The following MIGA1 variants were observed in gnomAD, a reference collection of about 807,000 sequenced individuals.
MIGA1 encodes the protein family with sequence similarity 73, member A.
MIGA1 carries 58 observed loss-of-function variants against 82.0 expected under a neutral mutation model. That is an observed-to-expected ratio of 0.71 (90% CI 0.57 to 0.88). The LOEUF is 0.88. Among genes scored for constraint, MIGA1 ranks in the 40% least tolerant of loss-of-function variants. The pLI is 0.00. For synonymous variants in MIGA1, 249 were observed against 253.6 expected, an observed-to-expected ratio of 0.98 and a Z score of 0.17; for missense variants, 751 against 749.1, an observed-to-expected ratio of 1.00 and a Z score of -0.03.
At chr1:77,863,813 T>C in intron 12 of MIGA1, 81 bp from the exon 13 acceptor site, 1 of 1,050,852 alleles carries the variant, frequency 9.5e-7, no homozygotes, top group Non-Finnish European at 1.3e-6. Context: ...CCTGCTGTTA[T>C]AAAACCATAA....
chr1:77,793,995 G>A (rs1235895252), intron 2 of MIGA1, among the ~76,000 whole-genome samples: 1 of 148,216 alleles, frequency 6.7e-6, no homozygotes, highest in Non-Finnish European at 1.5e-5. Flanking sequence ...CGCCATGTTG[G>A]CCAGGCTGGT....
At chr1:77,829,971 TG>T (rs939390096) in intron 7 of MIGA1, among the ~76,000 whole-genome samples, 6 of 150,434 alleles carry the variant, frequency 4.0e-5, no homozygotes, top group African/African-American at 1.5e-4. Flanking sequence ...TTTCCTGCAT[TG>T]GTTTCACAGT....
At position 77,870,954 on chromosome 1, in the gene MIGA1, T is replaced by C. The variant is rs1393383915; in HGVS notation, c.1564-2050T>C. On this transcript the variant is annotated intron_variant, in intron 14 of 15. Coordinates refer to ENST00000370791, the MANE Select transcript of MIGA1 (RefSeq NM_198549.4). ...AACGAAAACCAGTCAGGCGTGGCGG[T>C]GCGCGCCTGCAGTCGCAGGCACTCG... is the stretch of plus-strand genomic sequence containing the variant. Among the ~76,000 whole-genome samples the C allele has an allele frequency of 4.2e-4, 62 of 147,276 alleles. No homozygotes were observed. In the Middle Eastern group the frequency reaches 0.011, roughly 25 times the overall value.
Position 77,860,075 on chromosome 1 carries a change from C to T in MIGA1, c.1224C>T (p.Leu408=), listed in dbSNP as rs114142553. 3,015 of 1,611,668 alleles carry T rather than the reference C, an allele frequency of 1.9e-3. 9 individuals carry two copies. The highest frequency in any genetic ancestry group is 2.3e-3 in the Non-Finnish European group (2,737 of 1,178,826). The change falls in exon 11 of 16, where the codon CTC becomes CTT. Residue 408 remains leucine, a synonymous_variant. Transcript: ENST00000370791. ...CAGAATCAGCTAACAGGATATTCCT[C>T]GCTGAGAGCGGAAGGAAAATTTTAT... is the stretch of plus-strand genomic sequence containing the variant.
At chr1:77,858,377 G>A (rs779649546) in intron 8 of MIGA1, among the ~76,000 whole-genome samples, 1 of 151,812 alleles carries the variant, frequency 6.6e-6, no homozygotes. Flanking sequence ...TTGGTTTTCT[G>A]TATGTTCTGT....
chr1:77,848,784 T>G (rs1207701031), intron 8 of MIGA1: 28 of 1,289,292 alleles, frequency 2.2e-5, no homozygotes, highest in Non-Finnish European at 4.3e-6. Flanking sequence ...AGAGCTATAT[T>G]GACAAACAAG....
chr1:77,791,263 A>C (rs530078078), intron 2 of MIGA1, among the ~76,000 whole-genome samples: 37 of 150,908 alleles, frequency 2.5e-4, no homozygotes, highest in East Asian at 1.9e-3. Flanking sequence ...AAAAAAAAAA[A>C]AACAAAAAAC....
chr1:77,796,977 G>A (rs1350168099), intron 2 of MIGA1, among the ~76,000 whole-genome samples: 1 of 152,100 alleles, frequency 6.6e-6, no homozygotes, highest in Non-Finnish European at 1.5e-5. Context: ...ACCGCTAGCT[G>A]CCATTGATGT....
intron 13 of MIGA1, 43 bp from the exon 14 acceptor site, chr1:77,866,295 A>G: frequency 1.3e-6 from 2 of 1,545,954 alleles, no homozygotes; most frequent in Non-Finnish European, 1.8e-6. Flanking sequence ...GGAAATGTTT[A>G]TATAGCTATA....
At chr1:77,848,397 G>A in intron 8 of MIGA1, 1 of 937,952 alleles carries the variant, frequency 1.1e-6, no homozygotes, top group Non-Finnish European at 1.6e-6. Flanking sequence ...GCGTATGAAA[G>A]TAAGGAAAGA....
intron 8 of MIGA1, among the ~76,000 whole-genome samples, chr1:77,855,390 A>G (rs1007001946): frequency 4.6e-5 from 7 of 152,180 alleles, no homozygotes; most frequent in African/African-American, 1.4e-4. Flanking sequence ...TTTTGGTTGC[A>G]TATGAATTTT....
intron 7 of MIGA1, among the ~76,000 whole-genome samples, chr1:77,825,866 C>T (rs929702839): frequency 6.6e-6 from 1 of 152,062 alleles, no homozygotes; most frequent in Non-Finnish European, 1.5e-5. Flanking sequence ...AGCATGGGTT[C>T]AAATCCTGGC....
intron 14 of MIGA1, among the ~76,000 whole-genome samples, chr1:77,868,046 C>G (rs948760611): frequency 1.5e-4 from 23 of 152,052 alleles, no homozygotes; most frequent in Non-Finnish European, 2.4e-4. Context: ...CTCAGTTTTC[C>G]CATTTGCAAA....
intron 2 of MIGA1, among the ~76,000 whole-genome samples, chr1:77,795,099 G>A (rs1682598596): frequency 1.3e-5 from 2 of 151,818 alleles, no homozygotes; most frequent in African/African-American, 4.8e-5. Context: ...GAGTAGCTGG[G>A]ACTACAGGCG....
chr1:77,838,559 C>A (rs188200551), intron 7 of MIGA1, among the ~76,000 whole-genome samples: 1 of 151,960 alleles, frequency 6.6e-6, no homozygotes, highest in African/African-American at 2.4e-5. Context: ...GCAATTCTTG[C>A]GCCTCAGACT....
At chr1:77,809,201 G>A (rs190829843) in intron 5 of MIGA1, among the ~76,000 whole-genome samples, 3 of 152,166 alleles carry the variant, frequency 2.0e-5, no homozygotes, top group Admixed American at 2.0e-4. Flanking sequence ...CGCCACAGGG[G>A]GGTCTTTGTG....
intron 7 of MIGA1, among the ~76,000 whole-genome samples, chr1:77,821,870 C>T (rs1570960591): frequency 6.6e-6 from 1 of 152,174 alleles, no homozygotes; most frequent in East Asian, 1.9e-4. Context: ...ATGACACTGT[C>T]AAATTTCCTT....
Position 77,860,918 on chromosome 1 carries a change from G to T in MIGA1, c.1276-306G>T, listed in dbSNP as rs189513088. On this transcript the variant is annotated intron_variant, in intron 11 of 15. Transcript: ENST00000370791. ...GGGTTCCTCCAAAAGAAGCAGAACT[G>T]CAACAAAAGCCTCACATAATGTCTG... The T allele has an allele frequency of 3.8e-4, 99 of 259,508 alleles. 1 individual carries two copies. The highest frequency in any genetic ancestry group is 3.8e-4 in the Non-Finnish European group (52 of 135,766). 16.1% of individuals were successfully genotyped at this position (259,508 alleles called of 1,614,324 possible).
chr1:77,801,743 C>T (rs76926973), intron 3 of MIGA1, among the ~76,000 whole-genome samples: 5,136 of 152,128 alleles, frequency 0.034, 123 homozygotes, highest in Non-Finnish European at 0.051. Context: ...GTATATCAGT[C>T]CACTTATATT....
Sources: gnomAD v4.1 joint callset for allele counts (sites outside exome capture counted in the v4.1 genomes callset) on GRCh38, gnomAD v4.1.1 for gene constraint, MANE v1.5 for transcripts, NCBI Gene and HGNC (gene_info 2026-07-23, HGNC 2026-07-21) for gene names.